AJAP1: variants seen among roughly 807,000 people sequenced by gnomAD.
AJAP1 encodes the protein adherens junctions associated protein 1, also known as adherens junction-associated protein 1.
AJAP1 carries 5 observed loss-of-function variants against 35.0 expected under a neutral mutation model. The observed-to-expected ratio is 0.14, with a 90% CI of 0.07 to 0.30. AJAP1 has a LOEUF of 0.30. Ranked by LOEUF, AJAP1 falls within the 10% of genes least tolerant of loss-of-function variation. AJAP1 has a pLI of 1.00. For synonymous variants in AJAP1, 284 were observed against 249.3 expected, an observed-to-expected ratio of 1.14 and a Z score of -1.31; for missense variants, 586 against 571.0, an observed-to-expected ratio of 1.03 and a Z score of -0.27.
At chr1:4,707,092 TG>T (rs1640117228) in intron 1 of AJAP1, among the ~76,000 whole-genome samples, 2 of 152,090 alleles carry the variant, frequency 1.3e-5, no homozygotes, top group Non-Finnish European at 2.9e-5. Flanking sequence ...GGTGTCCCAG[TG>T]AGGACTGGGT....
intron 2 of AJAP1, among the ~76,000 whole-genome samples, chr1:4,758,175 A>G (rs1265024910): frequency 2.0e-5 from 3 of 152,106 alleles, no homozygotes; most frequent in Non-Finnish European, 4.4e-5. Context: ...TGTTTCCCTT[A>G]TAAATTACCC....
chr1:4,659,404 C>T (rs1015250572), intron 1 of AJAP1, among the ~76,000 whole-genome samples: 3 of 152,120 alleles, frequency 2.0e-5, no homozygotes, highest in Non-Finnish European at 4.4e-5. Context: ...AGCAGGCAAA[C>T]GTGGTACAGT....
At position 4,711,894 on chromosome 1, in the gene AJAP1, G is replaced by A; in HGVS notation, c.30-6G>A. ...ACCGCTCTTCTCTCCTTTCCCCCCC[G>A]CACAGCTCCATGTCCATCCGCTGGC... On this transcript the variant is annotated splice_polypyrimidine_tract_variant and splice_region_variant and intron_variant, in intron 1 of 5. Transcript: ENST00000378191. 4 of 1,474,136 alleles carry A rather than the reference G, an allele frequency of 2.7e-6. No homozygotes were observed. The highest frequency in any genetic ancestry group is 2.7e-5 in the East Asian group (1 of 37,450). The allele number at this position is 1,474,136 out of a possible 1,614,324, so 91.3% of individuals were successfully genotyped here.
chr1:4,764,583 T>C (rs892352606), intron 2 of AJAP1, among the ~76,000 whole-genome samples: 4 of 152,252 alleles, frequency 2.6e-5, no homozygotes, highest in Admixed American at 6.5e-5. Flanking sequence ...ATTGGCACTT[T>C]GAGTCCCAAT....
Position 4,762,563 on chromosome 1 carries a change from CT to C in AJAP1, c.830-7289del, listed in dbSNP as rs202182641. ...ACATCATTGCTGGGATGAGACAGTG[CT>C]GTCTACATTTCTCCACTGCAAGATG... On this transcript the variant is annotated intron_variant, in intron 2 of 5. Transcript: ENST00000378191. Among the ~76,000 whole-genome samples the C allele has an allele frequency of 3.9e-3, 588 of 152,330 alleles. 11 individuals are homozygous for C. The highest frequency in any genetic ancestry group is 0.035 in the East Asian group (183 of 5,188).
At chr1:4,706,591 C>T (rs79840716) in intron 1 of AJAP1, among the ~76,000 whole-genome samples, 18,770 of 152,120 alleles carry the variant, frequency 0.12, 1,305 homozygotes, top group African/African-American at 0.2. Flanking sequence ...CTGGGCTGTT[C>T]CCCGGTGGAA....
chr1:4,724,095 G>A (rs1428845703), intron 2 of AJAP1, among the ~76,000 whole-genome samples: 7 of 152,196 alleles, frequency 4.6e-5, no homozygotes, highest in Non-Finnish European at 5.9e-5. Context: ...GTACTGCACC[G>A]ACATGGCCCC....
At chr1:4,725,120 A>C (rs1274684166) in intron 2 of AJAP1, among the ~76,000 whole-genome samples, 1 of 152,208 alleles carries the variant, frequency 6.6e-6, no homozygotes, top group African/African-American at 2.4e-5. Context: ...CAGCTCAGCC[A>C]AGGCTTGCTG....
chr1:4,702,038 C>T (rs1452830376), intron 1 of AJAP1, among the ~76,000 whole-genome samples: 2 of 152,014 alleles, frequency 1.3e-5, no homozygotes, highest in African/African-American at 4.8e-5. Flanking sequence ...AGTATATCCT[C>T]AGTGTTCTGA....
intron 2 of AJAP1, among the ~76,000 whole-genome samples, chr1:4,714,312 A>G (rs1437798266): frequency 6.6e-6 from 1 of 152,176 alleles, no homozygotes; most frequent in African/African-American, 2.4e-5. Context: ...ATCCACGGAC[A>G]TGCGGGGTCT....
chr1:4,654,996 C>T lies in AJAP1; in HGVS notation c.-430C>T, dbSNP rs2100495308. 3 of 150,346 alleles carry T rather than the reference C, an allele frequency of 2.0e-5. No homozygotes were observed. In the East Asian group the frequency reaches 5.9e-4, roughly 29 times the overall value. The allele number at this position is 150,346 out of a possible 1,614,324, so 9.3% of individuals were successfully genotyped here. On this transcript the variant is annotated 5_prime_UTR_variant, in exon 1 of 6. Coordinates refer to ENST00000378191, the MANE Select transcript of AJAP1 (RefSeq NM_018836.4). The surrounding 1 kb of genome is among the most constrained non-coding windows in gnomAD (Gnocchi z 5.1). ...GAGCTCCGGCTGGAGGCAAGAGCCG[C>T]GCGCCGGGAGACACGCACCGTGAGC... is the stretch of plus-strand genomic sequence containing the variant.
At chr1:4,703,396 G>T (rs909150740) in intron 1 of AJAP1, among the ~76,000 whole-genome samples, 1 of 152,106 alleles carries the variant, frequency 6.6e-6, no homozygotes, top group African/African-American at 2.4e-5. Flanking sequence ...GGTGACTCGG[G>T]GGGACACAGA....
At chr1:4,743,485 GC>G (rs1308191604) in intron 2 of AJAP1, among the ~76,000 whole-genome samples, 1 of 152,164 alleles carries the variant, frequency 6.6e-6, no homozygotes, top group Non-Finnish European at 1.5e-5. Context: ...ACCCGCGCCT[GC>G]TCCCTGCATA....
intron 2 of AJAP1, among the ~76,000 whole-genome samples, chr1:4,730,838 T>C (rs1210647227): frequency 6.6e-6 from 1 of 152,176 alleles, no homozygotes; most frequent in Non-Finnish European, 1.5e-5. Context: ...TGGCCCTTCC[T>C]GCACTTGGTG....
At chr1:4,763,822 C>T (rs576114850) in intron 2 of AJAP1, among the ~76,000 whole-genome samples, 1 of 145,330 alleles carries the variant, frequency 6.9e-6, no homozygotes, top group Non-Finnish European at 1.5e-5. Context: ...CTCTCCCCCT[C>T]CCCCTCTCTC....
chr1:4,691,742 CAGAG>C (rs1199772696), intron 1 of AJAP1, among the ~76,000 whole-genome samples: 1 of 152,092 alleles, frequency 6.6e-6, no homozygotes, highest in African/African-American at 2.4e-5. Context: ...GCGCAAGTGG[CAGAG>C]AGAAAGGCAC....
chr1:4,698,402 G>A (rs908867280), intron 1 of AJAP1, among the ~76,000 whole-genome samples: 22 of 152,204 alleles, frequency 1.4e-4, no homozygotes, highest in African/African-American at 5.3e-4. Flanking sequence ...AGATATAAAG[G>A]ACTGGGGATG....
At position 4,669,383 on chromosome 1, in the gene AJAP1, G is replaced by A. The variant is rs146912492; in HGVS notation, c.29+13929G>A. On this transcript the variant is annotated intron_variant, in intron 1 of 5. Coordinates refer to ENST00000378191, the MANE Select transcript of AJAP1 (RefSeq NM_018836.4). ...AGAGGTTTAATTGACTCACAGTTCC[G>A]CATGGCTGGGGAGGCCTCAGCAAAC... 5.4e-3 allele frequency among the ~76,000 whole-genome samples: 818 copies of A among 152,258 alleles called. 12 individuals are homozygous for A. The highest frequency in any genetic ancestry group is 0.019 in the African/African-American group (770 of 41,536).
At chr1:4,739,026 G>A (rs1640995890) in intron 2 of AJAP1, among the ~76,000 whole-genome samples, 1 of 152,080 alleles carries the variant, frequency 6.6e-6, no homozygotes, top group African/African-American at 2.4e-5. Context: ...GGGGGAGGCA[G>A]GGCCACTGCT....
Sources: gnomAD v4.1 joint callset for allele counts (sites outside exome capture counted in the v4.1 genomes callset) on GRCh38, gnomAD v4.1.1 for gene constraint, Gnocchi (gnomAD v3.1) non-coding constraint, MANE v1.5 for transcripts, NCBI Gene and HGNC (gene_info 2026-07-23, HGNC 2026-07-21) for gene names.